Variants in CAST observed in about 807,000 individuals in gnomAD.
CAST encodes the protein MIR583 host.
Under a neutral mutation model 119.6 loss-of-function variants are expected in CAST, and 76 were observed. The observed-to-expected ratio is 0.64, with a 90% CI of 0.53 to 0.77. The LOEUF (loss-of-function observed/expected upper bound fraction) is 0.77, where lower values mean the gene tolerates loss of function less well. Ranked by LOEUF, CAST falls within the 30% of genes least tolerant of loss-of-function variation. The pLI, the probability that CAST is intolerant of heterozygous loss-of-function variation, is 0.00. For missense variants in CAST, 953 were observed against 946.5 expected, an observed-to-expected ratio of 1.01 and a Z score of -0.09; for synonymous variants, 319 against 331.6, an observed-to-expected ratio of 0.96 and a Z score of 0.41.
chr5:96,620,229 C>G (rs1291847836), intron 1 of CAST, among the ~76,000 whole-genome samples: 2 of 151,800 alleles, frequency 1.3e-5, no homozygotes, highest in Non-Finnish European at 2.9e-5. Context: ...AATTAGTTAT[C>G]AGGAGTAGGA....
At chr5:96,201,909 G>A in the CAST span, among the ~76,000 whole-genome samples, 2 of 151,896 alleles carry the variant, frequency 1.3e-5, no homozygotes, top group African/African-American at 4.8e-5. Context: ...AAGGGGCAAA[G>A]TTTGGCTATC....
chr5:96,628,899 A>G (rs1274226537), intron 1 of CAST, among the ~76,000 whole-genome samples: 1 of 152,164 alleles, frequency 6.6e-6, no homozygotes, highest in African/African-American at 2.4e-5. Flanking sequence ...ATTTTGCAGG[A>G]TGTGTGGCAA....
chr5:96,235,051 T>G, the CAST span, among the ~76,000 whole-genome samples: 1 of 152,142 alleles, frequency 6.6e-6, no homozygotes, highest in Non-Finnish European at 1.5e-5. Flanking sequence ...AAAAATAGAT[T>G]TTTGAAAGAC....
At chr5:96,047,263 G>A in the CAST span, among the ~76,000 whole-genome samples, 65 of 152,068 alleles carry the variant, frequency 4.3e-4, no homozygotes, top group Non-Finnish European at 7.4e-4. Context: ...GTTTTCATCC[G>A]TGGCAGGGGT....
At chr5:96,432,302 C>A in the CAST span, 2 of 627,432 alleles carry the variant, frequency 3.2e-6, no homozygotes, top group South Asian at 3.9e-5. Flanking sequence ...GCCTCCCAAC[C>A]TCCTGGTCGC....
the CAST span, chr5:96,432,748 T>C: frequency 1.2e-6 from 1 of 809,938 alleles, no homozygotes; most frequent in Non-Finnish European, 2.1e-6. Flanking sequence ...CTCCTTGCTC[T>C]TTGCTACTCT....
At chr5:96,218,213 T>A in the CAST span, among the ~76,000 whole-genome samples, 10 of 152,226 alleles carry the variant, frequency 6.6e-5, no homozygotes, top group African/African-American at 2.4e-4. Flanking sequence ...GGAATTTTTT[T>A]AAATGCAGTA....
the CAST span, among the ~76,000 whole-genome samples, chr5:96,103,858 A>C: frequency 6.6e-6 from 1 of 150,672 alleles, no homozygotes; most frequent in East Asian, 1.9e-4. Context: ...CCTCTCCAGC[A>C]CCTGTTGTTT....
At chr5:96,543,592 G>A (rs4634375) in intron 1 of CAST, among the ~76,000 whole-genome samples, 93,496 of 151,956 alleles carry the variant, frequency 0.62, 29,107 homozygotes, top group East Asian at 0.86. Context: ...AGAAATTTTA[G>A]TTTTAATAAG....
intron 1 of CAST, among the ~76,000 whole-genome samples, chr5:96,615,486 T>G (rs1355528294): frequency 6.6e-6 from 1 of 152,198 alleles, no homozygotes. Context: ...CAGATTGCTT[T>G]GCTAATGTGC....
chr5:96,127,466 G>C, the CAST span, among the ~76,000 whole-genome samples: 1 of 152,058 alleles, frequency 6.6e-6, no homozygotes, highest in South Asian at 2.1e-4. Context: ...TGAAAGCTGA[G>C]TACTTCACCC....
At chr5:96,428,965 T>C in the CAST span, among the ~76,000 whole-genome samples, 1 of 152,138 alleles carries the variant, frequency 6.6e-6, no homozygotes, top group African/African-American at 2.4e-5. Flanking sequence ...TAGATATATA[T>C]GTAATTATAT....
chr5:96,706,815 A>C (rs995022810), intron 3 of CAST, among the ~76,000 whole-genome samples: 1 of 152,160 alleles, frequency 6.6e-6, no homozygotes, highest in South Asian at 2.1e-4. Flanking sequence ...ACATTCTGAT[A>C]AGATGTTCTT....
intron 1 of CAST, among the ~76,000 whole-genome samples, chr5:96,562,579 T>C (rs889726216): frequency 3.3e-5 from 5 of 152,136 alleles, no homozygotes; most frequent in African/African-American, 4.8e-5. Flanking sequence ...TTCTGCAAAA[T>C]TATCAAAATT....
intron 1 of CAST, among the ~76,000 whole-genome samples, chr5:96,644,809 T>C (rs1747995469): frequency 6.6e-6 from 1 of 152,298 alleles, no homozygotes; most frequent in African/African-American, 2.4e-5. Context: ...ACCCCGTGTC[T>C]ACTAAAAATA....
At chr5:96,153,551 A>T in the CAST span, among the ~76,000 whole-genome samples, 1 of 152,230 alleles carries the variant, frequency 6.6e-6, no homozygotes. Context: ...CAAAAATGTC[A>T]GGGGCAGGTC....
chr5:96,629,485 C>T (rs1184894203), intron 1 of CAST, among the ~76,000 whole-genome samples: 3 of 152,232 alleles, frequency 2.0e-5, no homozygotes, highest in Non-Finnish European at 4.4e-5. Flanking sequence ...CTGAGTCCTT[C>T]TTCCATTCGC....
At chr5:96,397,308 GT>G in the CAST span, 1 of 1,604,602 alleles carries the variant, frequency 6.2e-7, no homozygotes. Context: ...GTAAGCTTGT[GT>G]TTTTTCATCC....
intron 1 of CAST, among the ~76,000 whole-genome samples, chr5:96,572,686 G>C (rs1308493472): frequency 6.6e-6 from 1 of 152,144 alleles, no homozygotes; most frequent in African/African-American, 2.4e-5. Flanking sequence ...AATTACATCT[G>C]ACTTGGGCAT....
Sources: gnomAD v4.1 joint callset for allele counts (sites outside exome capture counted in the v4.1 genomes callset) on GRCh38, gnomAD v4.1.1 for gene constraint, MANE v1.5 for transcripts, NCBI Gene and HGNC (gene_info 2026-07-23, HGNC 2026-07-21) for gene names.